Variants in PPARD observed in about 807,000 individuals in gnomAD.
PPARD encodes the protein peroxisome proliferator-activated receptor delta.
In PPARD, 6 loss-of-function variants were observed where a neutral mutation model predicts 39.5. That is an observed-to-expected ratio of 0.15 (90% CI 0.08 to 0.30). The LOEUF (loss-of-function observed/expected upper bound fraction) is 0.30, where lower values mean the gene tolerates loss of function less well. PPARD is among the 10% of genes least tolerant of loss of function. The pLI, the probability that PPARD is intolerant of heterozygous loss-of-function variation, is 1.00. For missense variants in PPARD, 397 were observed against 596.8 expected, an observed-to-expected ratio of 0.67 and a Z score of 3.49; for synonymous variants, 210 against 231.3, an observed-to-expected ratio of 0.91 and a Z score of 0.83.
chr6:35,358,904 G>T (rs991550938), intron 2 of PPARD, among the ~76,000 whole-genome samples: 1 of 152,212 alleles, frequency 6.6e-6, no homozygotes, highest in South Asian at 2.1e-4. Flanking sequence ...TAACTGAGGT[G>T]GGGGAAGTGG....
intron 5 of PPARD, among the ~76,000 whole-genome samples, chr6:35,423,482 G>C (rs1477560432): frequency 6.7e-6 from 1 of 150,156 alleles, no homozygotes; most frequent in African/African-American, 2.5e-5. Context: ...GCAGTGAGCC[G>C]AGATCGTGCC....
chr6:35,427,666 T>G lies in PPARD; in HGVS notation c.*1587T>G, dbSNP rs1766667654. 1 of 152,314 alleles carries G rather than the reference T, an allele frequency of 6.6e-6. No homozygotes were observed. Among genetic ancestry groups the G allele is most frequent in the Non-Finnish European group, 1.5e-5 (1 of 68,186 alleles). 9.4% of individuals were successfully genotyped at this position (152,314 alleles called of 1,614,324 possible). ...AAAGCACAGCTGGGCATGCCATGTC[T>G]GAGCGGCGCAGAGCCCTCCAGGCCT... On this transcript the variant is annotated 3_prime_UTR_variant, in exon 8 of 8. Transcript: ENST00000360694.
chr6:35,394,785 CAA>C lies in PPARD; in HGVS notation c.-101-16189_-101-16188del, dbSNP rs566997790. On this transcript the variant is annotated intron_variant, in intron 2 of 7. Transcript: ENST00000360694. ...GACCCTGTCTCCCCGCCCCCCCCAC[CAA>C]AAAAAAAAAAAATCAGATAAGCAAT... 8.4e-4 allele frequency among the ~76,000 whole-genome samples: 104 copies of C among 123,290 alleles called. No homozygotes were observed. The East Asian group carries it at 0.016, about 20-fold the overall frequency. The allele number at this position is 123,290 out of a possible 152,430, so 80.9% of individuals were successfully genotyped here. A position where few individuals can be genotyped will look rare whatever the true frequency, so the allele number is the denominator to read the frequency against.
chr6:35,365,013 G>A (rs944680028), intron 2 of PPARD, among the ~76,000 whole-genome samples: 4 of 150,584 alleles, frequency 2.7e-5, no homozygotes, highest in African/African-American at 9.8e-5. Flanking sequence ...CCGGCCCCAA[G>A]TGTTACTCGT....
At chr6:35,372,856 A>G (rs541594146) in intron 2 of PPARD, among the ~76,000 whole-genome samples, 4 of 152,296 alleles carry the variant, frequency 2.6e-5, no homozygotes, top group African/African-American at 9.6e-5. Flanking sequence ...TCATCTGTAA[A>G]TTGGGAATAA....
At chr6:35,414,336 G>C in intron 3 of PPARD, among the ~76,000 whole-genome samples, 1 of 139,546 alleles carries the variant, frequency 7.2e-6, no homozygotes, top group Admixed American at 7.6e-5. Context: ...CATGGTTAAG[G>C]AGGCTGTGTC....
intron 2 of PPARD, among the ~76,000 whole-genome samples, chr6:35,382,606 CTGT>C (rs1763214477): frequency 6.6e-6 from 1 of 152,182 alleles, no homozygotes; most frequent in African/African-American, 2.4e-5. Flanking sequence ...ACATCTATTG[CTGT>C]TTCCTTTGGG....
rs1581681245 is a variant in PPARD, at chr6:35,425,474, A to C, written c.1079-358A>C. On this transcript the variant is annotated intron_variant, in intron 7 of 7. Coordinates refer to ENST00000360694, the MANE Select transcript of PPARD (RefSeq NM_006238.5). The surrounding 1 kb of genome is among the most constrained non-coding windows in gnomAD (Gnocchi z 4.5). Reference sequence around the variant, plus strand: ...GATGACTCACTTGATCCTCACAACAACCCTGTGCAGGAAGAATGTTTTGTG... The same window carrying C: ...GATGACTCACTTGATCCTCACAACACCCCTGTGCAGGAAGAATGTTTTGTG... 1 of 1,059,314 alleles carries C rather than the reference A, an allele frequency of 9.4e-7. No individual in the cohort carries two copies. Among genetic ancestry groups the C allele is most frequent in the Non-Finnish European group, 1.2e-6 (1 of 839,292 alleles). 65.6% of individuals were successfully genotyped at this position (1,059,314 alleles called of 1,614,324 possible). A position where few individuals can be genotyped will look rare whatever the true frequency, so the allele number is the denominator to read the frequency against.
chr6:35,364,728 T>G (rs1417271269), intron 2 of PPARD, among the ~76,000 whole-genome samples: 1 of 151,484 alleles, frequency 6.6e-6, no homozygotes, highest in Non-Finnish European at 1.5e-5. Context: ...TTGTTTGTTT[T>G]TTTTTTTGAG....
intron 2 of PPARD, among the ~76,000 whole-genome samples, chr6:35,361,331 G>A (rs1044224887): frequency 2.0e-5 from 3 of 152,074 alleles, no homozygotes; most frequent in Admixed American, 6.5e-5. Context: ...GTGGATGCCA[G>A]TCATTATTGG....
In PPARD at chr6:35,374,309, G is replaced by GC. The variant is rs1562185010; in HGVS notation, c.-102+27159_-102+27160insC. On this transcript the variant is annotated intron_variant, in intron 2 of 7. Coordinates refer to ENST00000360694, the MANE Select transcript of PPARD (RefSeq NM_006238.5). ...AAGGTCATGGTTAGTTCTCGGCGGT[G>GC]GGGCGGGGGGGTTTAGTGGGCAATT... 7.6e-4 allele frequency among the ~76,000 whole-genome samples: 96 copies of GC among 125,730 alleles called. 3 individuals carry two copies. Among genetic ancestry groups the GC allele is most frequent in the African/African-American group, 4.1e-3 (88 of 21,206 alleles). 82.5% of individuals were successfully genotyped at this position (125,730 alleles called of 152,430 possible). A position where few individuals can be genotyped will look rare whatever the true frequency, so the allele number is the denominator to read the frequency against.
intron 2 of PPARD, among the ~76,000 whole-genome samples, chr6:35,377,990 C>T (rs9658093): frequency 0.047 from 7,112 of 151,456 alleles, 335 homozygotes; most frequent in African/African-American, 0.12. Flanking sequence ...CAGCCTCCCA[C>T]GTAGCTGGGA....
chr6:35,384,051 C>A (rs1464402568), intron 2 of PPARD, among the ~76,000 whole-genome samples: 2 of 148,982 alleles, frequency 1.3e-5, no homozygotes, highest in East Asian at 4.2e-4. Flanking sequence ...GGGGTCAGCC[C>A]CCCGCCAGGC....
At chr6:35,408,053 G>T (rs1765170976) in intron 2 of PPARD, among the ~76,000 whole-genome samples, 2 of 152,288 alleles carry the variant, frequency 1.3e-5, no homozygotes, top group South Asian at 4.1e-4. Flanking sequence ...GCATTGCAGG[G>T]TGGGTCCAGC....
At chr6:35,380,417 C>A (rs1050352304) in intron 2 of PPARD, among the ~76,000 whole-genome samples, 1 of 145,472 alleles carries the variant, frequency 6.9e-6, no homozygotes, top group Non-Finnish European at 1.5e-5. Flanking sequence ...CTTTCTGTGA[C>A]TGAGGGAAAG....
chr6:35,345,609 G>A (rs1342864069), intron 1 of PPARD, among the ~76,000 whole-genome samples: 3 of 152,118 alleles, frequency 2.0e-5, no homozygotes, highest in Non-Finnish European at 2.9e-5. Flanking sequence ...GCCTTCTTGT[G>A]TGATATATGC....
chr6:35,368,688 C>A (rs757435794), intron 2 of PPARD, among the ~76,000 whole-genome samples: 52 of 152,152 alleles, frequency 3.4e-4, no homozygotes, highest in Non-Finnish European at 7.5e-4. Context: ...AATGATTTGT[C>A]CAGAGGGCCT....
At chr6:35,380,217 A>C (rs1473899469) in intron 2 of PPARD, among the ~76,000 whole-genome samples, 1 of 152,176 alleles carries the variant, frequency 6.6e-6, no homozygotes, top group African/African-American at 2.4e-5. Flanking sequence ...CAGTTGTGGA[A>C]GCTCCATTAG....
intron 2 of PPARD, among the ~76,000 whole-genome samples, chr6:35,364,344 T>G (rs1762072832): frequency 6.6e-6 from 1 of 152,204 alleles, no homozygotes; most frequent in South Asian, 2.1e-4. Flanking sequence ...AACATTCATG[T>G]ACAAGCTTTT....
Sources: allele counts gnomAD v4.1 joint callset (sites outside exome capture counted in the v4.1 genomes callset), GRCh38; gene constraint gnomAD v4.1.1; non-coding constraint Gnocchi (gnomAD v3.1); transcripts MANE v1.5; gene names NCBI Gene and HGNC (gene_info 2026-07-23, HGNC 2026-07-21).